Variants in SLC71A1 observed in about 807,000 individuals in gnomAD.
SLC71A1 encodes hippocampus abundant gene transcript 1.
chr1:100,054,590 C>A, the SLC71A1 span, among the ~76,000 whole-genome samples: 12 of 152,080 alleles, frequency 7.9e-5, no homozygotes, highest in African/African-American at 2.9e-4. Flanking sequence ...GATACACAGT[C>A]CATGTTACGG....
the SLC71A1 span, among the ~76,000 whole-genome samples, chr1:100,055,047 G>A: frequency 2.0e-5 from 3 of 152,162 alleles, no homozygotes; most frequent in Non-Finnish European, 4.4e-5. Context: ...ACAGTGAAGC[G>A]AACAGATTGA....
the SLC71A1 span, among the ~76,000 whole-genome samples, chr1:100,047,063 T>A: frequency 6.6e-6 from 1 of 152,208 alleles, no homozygotes; most frequent in Non-Finnish European, 1.5e-5. Context: ...TTACTCATGC[T>A]TAATTGCTCT....
chr1:100,079,441 T>A, the SLC71A1 span: 1 of 152,076 alleles, frequency 6.6e-6, no homozygotes, highest in Non-Finnish European at 1.5e-5. Flanking sequence ...ATATGTTTTG[T>A]CTAGTCATAA....
At chr1:100,074,722 C>CA in the SLC71A1 span, among the ~76,000 whole-genome samples, 2 of 150,210 alleles carry the variant, frequency 1.3e-5, no homozygotes, top group Admixed American at 6.6e-5. Flanking sequence ...ACTAAAAATA[C>CA]AAAAATTAGC....
the SLC71A1 span, chr1:100,082,494 C>T: frequency 5.7e-5 from 21 of 367,870 alleles, no homozygotes; most frequent in South Asian, 1.5e-4. Context: ...ATATATGTAA[C>T]TTCTTAGATA....
chr1:100,064,573 TTC>T, the SLC71A1 span, among the ~76,000 whole-genome samples: 1 of 152,218 alleles, frequency 6.6e-6, no homozygotes, highest in Non-Finnish European at 1.5e-5. Flanking sequence ...ACAATTTAGC[TTC>T]TGTCACCATG....
chr1:100,038,155 G>A, the SLC71A1 span: 2 of 1,286,062 alleles, frequency 1.6e-6, no homozygotes, highest in Non-Finnish European at 2.2e-6. Flanking sequence ...CCCGGCAGTA[G>A]TGGTGGGACG....
chr1:100,081,493 C>G, the SLC71A1 span, among the ~76,000 whole-genome samples: 1 of 152,144 alleles, frequency 6.6e-6, no homozygotes, highest in East Asian at 1.9e-4. Context: ...TAACATCAGC[C>G]TCCCGGGTAG....
At chr1:100,066,564 G>C in the SLC71A1 span, among the ~76,000 whole-genome samples, 2 of 152,082 alleles carry the variant, frequency 1.3e-5, no homozygotes, top group African/African-American at 4.8e-5. Flanking sequence ...GCCCAAGACC[G>C]TTCTTCCAGC....
chr1:100,060,319 G>A, the SLC71A1 span, among the ~76,000 whole-genome samples: 1 of 152,072 alleles, frequency 6.6e-6, no homozygotes, highest in Non-Finnish European at 1.5e-5. Context: ...TTCTTGTATA[G>A]AATGTTAAAA....
chr1:100,052,567 G>A, the SLC71A1 span, among the ~76,000 whole-genome samples: 1 of 151,304 alleles, frequency 6.6e-6, no homozygotes, highest in Non-Finnish European at 1.5e-5. Context: ...AAGTAGCTGG[G>A]ACTACAGGCA....
the SLC71A1 span, chr1:100,081,913 A>T: frequency 1.0e-6 from 1 of 953,968 alleles, no homozygotes; most frequent in Non-Finnish European, 1.6e-6. Context: ...ATTAGCTTGT[A>T]ATTCATAAGT....
chr1:100,070,278 T>C, the SLC71A1 span, among the ~76,000 whole-genome samples: 2 of 152,162 alleles, frequency 1.3e-5, no homozygotes, highest in Non-Finnish European at 2.9e-5. Context: ...TGTAGGATTA[T>C]CTGGAAGAAG....
At chr1:100,075,394 TAAAG>T in the SLC71A1 span, among the ~76,000 whole-genome samples, 1 of 152,224 alleles carries the variant, frequency 6.6e-6, no homozygotes, top group African/African-American at 2.4e-5. Flanking sequence ...TAGAGCCATA[TAAAG>T]AATCACAGCT....
At chr1:100,081,521 T>A in the SLC71A1 span, among the ~76,000 whole-genome samples, 3 of 152,044 alleles carry the variant, frequency 2.0e-5, no homozygotes, top group Admixed American at 2.0e-4. Flanking sequence ...TACAGGCATA[T>A]GCCACCATGA....
At chr1:100,051,941 C>A in the SLC71A1 span, among the ~76,000 whole-genome samples, 1 of 152,140 alleles carries the variant, frequency 6.6e-6, no homozygotes, top group Non-Finnish European at 1.5e-5. Flanking sequence ...ATATTAGCCT[C>A]ATAATACAGA....
the SLC71A1 span, among the ~76,000 whole-genome samples, chr1:100,056,930 A>C: frequency 6.6e-6 from 1 of 152,176 alleles, no homozygotes; most frequent in Non-Finnish European, 1.5e-5. Flanking sequence ...ATGATCAGTG[A>C]TGGTTGAGCA....
chr1:100,073,407 A>G, the SLC71A1 span, among the ~76,000 whole-genome samples: 2 of 152,152 alleles, frequency 1.3e-5, no homozygotes, highest in African/African-American at 4.8e-5. Context: ...CACTCTCCAC[A>G]TGGTTGAGTA....
the SLC71A1 span, chr1:100,061,858 T>A: frequency 6.2e-7 from 1 of 1,612,514 alleles, no homozygotes; most frequent in Non-Finnish European, 8.5e-7. Context: ...GTTATCTCTG[T>A]TTCTGGGGTT....
Sources: allele counts gnomAD v4.1 joint callset (sites outside exome capture counted in the v4.1 genomes callset), GRCh38; gene constraint gnomAD v4.1.1; transcripts MANE v1.5; gene names NCBI Gene and HGNC (gene_info 2026-07-23, HGNC 2026-07-21).